CSGALNACT1: variants seen among roughly 807,000 people sequenced by gnomAD.
CSGALNACT1 encodes the protein chondroitin sulfate N-acetylgalactosaminyltransferase 1.
Under a neutral mutation model 51.0 loss-of-function variants are expected in CSGALNACT1, and 52 were observed. The observed-to-expected ratio is 1.02, with a 90% CI of 0.82 to 1.29. The LOEUF (loss-of-function observed/expected upper bound fraction) is 1.29. CSGALNACT1 is among the 50% of genes most tolerant of loss of function. The pLI, the probability that CSGALNACT1 is intolerant of heterozygous loss-of-function variation, is 0.00. For missense variants in CSGALNACT1, 935 were observed against 679.2 expected (o/e 1.38, Z -4.19); for synonymous variants, 341 against 254.4 (o/e 1.34, Z -3.24).
intron 1 of CSGALNACT1, among the ~76,000 whole-genome samples, chr8:19,674,029 T>C (rs993777298): frequency 6.6e-6 from 1 of 152,230 alleles, no homozygotes; most frequent in Non-Finnish European, 1.5e-5. Context: ...GGCTCACACC[T>C]GTCATCCCAA....
chr8:19,630,805 C>A (rs1164511832), intron 1 of CSGALNACT1, among the ~76,000 whole-genome samples: 3 of 152,134 alleles, frequency 2.0e-5, no homozygotes, highest in Non-Finnish European at 2.9e-5. Flanking sequence ...CTTAATGGCT[C>A]TTTTTGAAAA....
rs546552520 is a variant in CSGALNACT1 at position 19,487,565 on chromosome 8, C to A, written c.634+17636G>T. 2.0e-5 allele frequency among the ~76,000 whole-genome samples: 3 copies of A among 152,276 alleles called. No homozygotes were observed. In the South Asian group the frequency reaches 6.2e-4, roughly 32 times the overall value. ...GTCAATAAGAAAAATGGATAAGATT[C>A]TGGAGAAGAAAAATGTCAGACTTTG... On this transcript the variant is annotated intron_variant, in intron 4 of 9. Transcript: ENST00000454498.
chr8:19,503,658 C>T (rs1022552710), intron 4 of CSGALNACT1, among the ~76,000 whole-genome samples: 1 of 151,862 alleles, frequency 6.6e-6, no homozygotes, highest in African/African-American at 2.4e-5. Flanking sequence ...CTGTAAAGTA[C>T]TATAAAATGT....
chr8:19,712,621 C>G (rs535480257), intron 1 of CSGALNACT1, among the ~76,000 whole-genome samples: 2 of 152,238 alleles, frequency 1.3e-5, no homozygotes, highest in South Asian at 4.2e-4. Flanking sequence ...GCCACCAAGT[C>G]TCTGCACTCT....
chr8:19,464,788 T>C (rs990194005), intron 4 of CSGALNACT1, among the ~76,000 whole-genome samples: 2 of 152,166 alleles, frequency 1.3e-5, no homozygotes, highest in Non-Finnish European at 2.9e-5. Flanking sequence ...TTCCCCTTGT[T>C]GTGGAATTGT....
chr8:19,681,213 C>G (rs1173432076), intron 1 of CSGALNACT1, among the ~76,000 whole-genome samples: 1 of 152,088 alleles, frequency 6.6e-6, no homozygotes, highest in African/African-American at 2.4e-5. Context: ...CCCTGCCAAG[C>G]CACCAACACC....
chr8:19,666,877 GAAAGAA>G (rs1432063111), intron 1 of CSGALNACT1, among the ~76,000 whole-genome samples: 1,942 of 125,736 alleles, frequency 0.015, 127 homozygotes, highest in African/African-American at 0.02. Context: ...AAGAAAGAAA[GAAAGAA>G]AGAGAGAGAG....
At chr8:19,576,587 A>C (rs923321630) in intron 3 of CSGALNACT1, among the ~76,000 whole-genome samples, 74 of 151,670 alleles carry the variant, frequency 4.9e-4, no homozygotes, top group Non-Finnish European at 5.9e-5. Context: ...GGAGACCCCC[A>C]ACGAGTCTTG....
In CSGALNACT1 at chr8:19,719,785, C is replaced by T. The variant is rs534122841; in HGVS notation, c.-297+38065G>A. Among the ~76,000 whole-genome samples the T allele has an allele frequency of 3.1e-4, 34 of 109,486 alleles. 1 individual carries two copies. The East Asian group carries it at 7.5e-3, about 24-fold the overall frequency. The allele number at this position is 109,486 out of a possible 152,430, so 71.8% of individuals were successfully genotyped here. On this transcript the variant is annotated intron_variant, in intron 1 of 1. Coordinates refer to the CSGALNACT1 transcript ENST00000517494. ...TCACCTCTCTTCTTTATGAGTAGCA[C>T]CCCAATTTTGCTCCAGGCAGCCATA...
chr8:19,679,368 C>G (rs1020658698), intron 1 of CSGALNACT1, among the ~76,000 whole-genome samples: 1 of 151,906 alleles, frequency 6.6e-6, no homozygotes, highest in African/African-American at 2.4e-5. Context: ...GGTGAGAGAA[C>G]TGGCTTGAGC....
At chr8:19,412,140 C>T (rs917166849) in intron 8 of CSGALNACT1, among the ~76,000 whole-genome samples, 2 of 152,192 alleles carry the variant, frequency 1.3e-5, no homozygotes, top group Non-Finnish European at 2.9e-5. Flanking sequence ...GCCTGCTATC[C>T]TCATTTTCTA....
At chr8:19,613,243 C>T (rs1398367538) in intron 1 of CSGALNACT1, among the ~76,000 whole-genome samples, 1 of 152,152 alleles carries the variant, frequency 6.6e-6, no homozygotes, top group Non-Finnish European at 1.5e-5. Flanking sequence ...TTTTCAAAAA[C>T]ATCCTGTTCT....
At chr8:19,505,654 G>A (rs1357172373) in exon 4 of CSGALNACT1, 2 of 1,614,172 alleles carry the variant, frequency 1.2e-6, no homozygotes, top group East Asian at 2.2e-5. Context: ...CACTCCTGAA[G>A]GACGGCCTGG....
At chr8:19,699,948 T>C (rs991344303) in intron 1 of CSGALNACT1, among the ~76,000 whole-genome samples, 2 of 151,722 alleles carry the variant, frequency 1.3e-5, no homozygotes, top group African/African-American at 4.8e-5. Flanking sequence ...CTGTCTCTAC[T>C]AAAAAATACA....
intron 1 of CSGALNACT1, among the ~76,000 whole-genome samples, chr8:19,634,848 G>A (rs1420735962): frequency 6.6e-6 from 1 of 152,096 alleles, no homozygotes; most frequent in Non-Finnish European, 1.5e-5. Context: ...ATAACCACTC[G>A]GCCTATGGTA....
chr8:19,689,597 G>A (rs765200805), intron 1 of CSGALNACT1, among the ~76,000 whole-genome samples: 1 of 152,214 alleles, frequency 6.6e-6, no homozygotes, highest in Non-Finnish European at 1.5e-5. Context: ...CTATGAGAAA[G>A]ATGCTGAGAA....
intron 1 of CSGALNACT1, among the ~76,000 whole-genome samples, chr8:19,735,645 T>C (rs981998934): frequency 1.3e-5 from 2 of 152,108 alleles, no homozygotes; most frequent in East Asian, 1.9e-4. Context: ...AACTATCAGA[T>C]AGACTTAAAA....
At chr8:19,607,229 T>A (rs1400632805), upstream of CSGALNACT1, among the ~76,000 whole-genome samples, 1 of 151,934 alleles carries the variant, frequency 6.6e-6, no homozygotes, top group South Asian at 2.1e-4. Context: ...TGTTTTCACA[T>A]TGTCAACATG....
chr8:19,710,941 G>A (rs2062468182), intron 1 of CSGALNACT1, among the ~76,000 whole-genome samples: 2 of 151,670 alleles, frequency 1.3e-5, no homozygotes, highest in Admixed American at 1.3e-4. Context: ...TTCCTCAAAA[G>A]TACTGCCTGA....
Sources: allele counts gnomAD v4.1 joint callset (sites outside exome capture counted in the v4.1 genomes callset), GRCh38; gene constraint gnomAD v4.1.1; transcripts MANE v1.5; gene names NCBI Gene and HGNC (gene_info 2026-07-23, HGNC 2026-07-21).